The following ITM2B variants were observed in gnomAD, a reference collection of about 807,000 sequenced individuals.
ITM2B encodes integral membrane protein 2B.
ITM2B carries 11 observed loss-of-function variants against 27.8 expected under a neutral mutation model. The observed-to-expected ratio is 0.40, with a 90% CI of 0.25 to 0.66. ITM2B has a LOEUF of 0.66. Ranked by LOEUF, ITM2B falls within the 30% of genes least tolerant of loss-of-function variation. The pLI is 0.43. For missense variants in ITM2B, 296 were observed against 328.9 expected, an observed-to-expected ratio of 0.90 and a Z score of 0.77; for synonymous variants, 114 against 114.3, an observed-to-expected ratio of 1.00 and a Z score of 0.02.
In ITM2B at chr13:48,265,801, C is replaced by T. The variant is rs1471145369; in HGVS notation, c.*4577C>T. On this transcript the variant is annotated 3_prime_UTR_variant, in exon 6 of 6. Coordinates refer to ENST00000647800, the MANE Select transcript of ITM2B (RefSeq NM_021999.5). Reference sequence around the variant, plus strand: ...CCTTCAGAATTTAGTTCAGGTGACCCTTCCTCAAGAGAAGATTTTCCTGAA... The same window carrying T: ...CCTTCAGAATTTAGTTCAGGTGACCTTTCCTCAAGAGAAGATTTTCCTGAA... 6.6e-6 allele frequency: 1 copy of T among 152,132 alleles called. No individual in the cohort carries two copies. 9.4% of individuals were successfully genotyped at this position (152,132 alleles called of 1,614,324 possible). A position where few individuals can be genotyped will look rare whatever the true frequency, so the allele number is the denominator to read the frequency against.
Position 48,270,304 on chromosome 13 carries a change from G to A in ITM2B, c.*9080G>A, listed in dbSNP as rs1951877137. The A allele has an allele frequency of 6.6e-6, 1 of 152,126 alleles. No individual in the cohort carries two copies. The allele number at this position is 152,126 out of a possible 1,614,324, so 9.4% of individuals were successfully genotyped here. A position where few individuals can be genotyped will look rare whatever the true frequency, so the allele number is the denominator to read the frequency against. On this transcript the variant is annotated 3_prime_UTR_variant, in exon 6 of 6. Transcript: ENST00000647800. ...TTATCACCATCTGACATGTATTTAT[G>A]TTTGTATTTGTTTATTGTCTGTCTC...
chr13:48,233,451 C>A lies in ITM2B; in HGVS notation c.91C>A (p.Pro31Thr). The A allele has an allele frequency of 6.5e-7, 1 of 1,537,040 alleles. No homozygotes were observed. The highest frequency in any genetic ancestry group is 8.7e-7 in the Non-Finnish European group (1 of 1,143,370). The change falls in exon 1 of 6, where the codon CCC becomes ACC. Residue 31 changes from proline (P) to threonine (T), a missense_variant. Pro to Thr is a conservative substitution (Grantham distance 38, BLOSUM62 -1). Transcript: ENST00000647800. ...CGGCGAGGAGGCGCTCATCATCCCC[C>A]CCGACGCCGTCGCGGTGGACTGCAA... The part of the protein sequence containing the change: ...KSGEEALIIP[P>T]DAVAVDCKDP...
intron 1 of ITM2B, among the ~76,000 whole-genome samples, chr13:48,234,227 C>G (rs940864891): frequency 6.6e-6 from 1 of 152,064 alleles, no homozygotes; most frequent in Non-Finnish European, 1.5e-5. Flanking sequence ...CCCCCGGGTC[C>G]CTAATAAAAT....
At chr13:48,239,201 G>A (rs1341668285) in intron 1 of ITM2B, among the ~76,000 whole-genome samples, 2 of 151,900 alleles carry the variant, frequency 1.3e-5, no homozygotes, top group Non-Finnish European at 2.9e-5. Flanking sequence ...TTTAATACTG[G>A]GACATAAAAT....
Position 48,258,137 on chromosome 13 carries a change from C to G in ITM2B, c.465C>G (p.Ala155=). Residue 155 remains alanine, a synonymous_variant, in exon 4 of 6, where the codon GCC becomes GCG. Transcript: ENST00000647800. ...IVHDFNKKLT[A]YLDLNLDKCY... ...CTTTTTCTTCCCAGAAACTTACAGC[C>G]TATTTAGATCTTAACCTGGATAAGT... The G allele has an allele frequency of 6.4e-7, 1 of 1,565,436 alleles. No homozygotes were observed. Among genetic ancestry groups the G allele is most frequent in the Non-Finnish European group, 8.8e-7 (1 of 1,135,828 alleles).
intron 1 of ITM2B, among the ~76,000 whole-genome samples, chr13:48,245,374 CAGT>C (rs1951718990): frequency 6.6e-6 from 1 of 151,630 alleles, no homozygotes; most frequent in Admixed American, 6.6e-5. Flanking sequence ...TGAATAAACA[CAGT>C]AGAGAAATGA....
At chr13:48,258,257 T>C in intron 4 of ITM2B, 21 bp downstream of exon 4, 1 of 1,171,616 alleles carries the variant, frequency 8.5e-7, no homozygotes, top group Non-Finnish European at 1.3e-6. Context: ...GTTGACTGTT[T>C]TTGATGAATG....
At chr13:48,243,075 A>G (rs1032685024) in intron 1 of ITM2B, among the ~76,000 whole-genome samples, 3 of 152,238 alleles carry the variant, frequency 2.0e-5, no homozygotes, top group Non-Finnish European at 4.4e-5. Flanking sequence ...AATGGAAACC[A>G]TCTGAATTAC....
At chr13:48,236,371 A>T (rs1951668665) in intron 1 of ITM2B, among the ~76,000 whole-genome samples, 1 of 152,220 alleles carries the variant, frequency 6.6e-6, no homozygotes, top group Admixed American at 6.5e-5. Context: ...TACTTGATGT[A>T]CTGTATCAGA....
intron 1 of ITM2B, among the ~76,000 whole-genome samples, chr13:48,234,099 C>G (rs1368219201): frequency 6.6e-6 from 1 of 152,102 alleles, no homozygotes; most frequent in East Asian, 1.9e-4. Flanking sequence ...CTTACCATTA[C>G]TAGTAAAGGC....
chr13:48,239,935 T>A (rs1951690206), intron 1 of ITM2B, among the ~76,000 whole-genome samples: 2 of 152,208 alleles, frequency 1.3e-5, no homozygotes, highest in African/African-American at 4.8e-5. Flanking sequence ...ATGATATTTC[T>A]CCTTTTTGCC....
At chr13:48,241,225 G>A (rs974014093) in intron 1 of ITM2B, among the ~76,000 whole-genome samples, 15 of 152,034 alleles carry the variant, frequency 9.9e-5, no homozygotes, top group African/African-American at 2.4e-4. Context: ...GGCGTGGTGC[G>A]GCGGGCAGCA....
intron 1 of ITM2B, among the ~76,000 whole-genome samples, chr13:48,241,264 T>G (rs979036700): frequency 2.6e-5 from 4 of 152,168 alleles, no homozygotes; most frequent in South Asian, 2.1e-4. Context: ...CAGGCTCGAG[T>G]GCAGTGGCAT....
chr13:48,257,992 A>C, intron 3 of ITM2B, 134 bp from the exon 4 acceptor site: 1 of 620,484 alleles, frequency 1.6e-6, no homozygotes, highest in Non-Finnish European at 3.0e-6. Flanking sequence ...CCAAATTCTG[A>C]ATTTGTTGAA....
intron 5 of ITM2B, among the ~76,000 whole-genome samples, chr13:48,259,617 T>C (rs1951810401): frequency 6.6e-6 from 1 of 152,162 alleles, no homozygotes; most frequent in Non-Finnish European, 1.5e-5. Flanking sequence ...AAAAGTGCTT[T>C]CCTGGCTTTT....
chr13:48,240,903 TTG>T (rs1015651499), intron 1 of ITM2B, among the ~76,000 whole-genome samples: 1 of 152,246 alleles, frequency 6.6e-6, no homozygotes, highest in African/African-American at 2.4e-5. Context: ...GAAAGTTATC[TTG>T]TGTCCTTTTA....
intron 3 of ITM2B, among the ~76,000 whole-genome samples, chr13:48,257,276 C>A (rs1490519852): frequency 6.6e-6 from 1 of 152,178 alleles, no homozygotes; most frequent in Non-Finnish European, 1.5e-5. Context: ...AGCACAACCT[C>A]AGATAAGAGG....
intron 5 of ITM2B, among the ~76,000 whole-genome samples, chr13:48,259,188 T>G (rs758778314): frequency 6.6e-6 from 1 of 152,208 alleles, no homozygotes; most frequent in Non-Finnish European, 1.5e-5. Flanking sequence ...GGTACCTCAT[T>G]TTCCATCTAG....
chr13:48,246,135 A>G (rs769565839), intron 1 of ITM2B, among the ~76,000 whole-genome samples: 6 of 152,188 alleles, frequency 3.9e-5, no homozygotes, highest in Non-Finnish European at 8.8e-5. Context: ...ATAATTCCAT[A>G]ACTTCATTAA....
Sources: gnomAD v4.1 joint callset for allele counts (sites outside exome capture counted in the v4.1 genomes callset) on GRCh38, gnomAD v4.1.1 for gene constraint, MANE v1.5 for transcripts, NCBI Gene and HGNC (gene_info 2026-07-23, HGNC 2026-07-21) for gene names.